The following KIF21B variants were observed in gnomAD, a reference collection of about 807,000 sequenced individuals.
KIF21B encodes kinesin family member 21B.
In KIF21B, 85 loss-of-function variants were observed where a neutral mutation model predicts 192.9. The observed-to-expected ratio is 0.44, with a 90% CI of 0.37 to 0.53. KIF21B has a LOEUF of 0.53. KIF21B is among the 20% of genes least tolerant of loss of function. The probability of loss-of-function intolerance (pLI) is 0.00; values close to 1 mark genes in which losing one functional copy is unlikely to be tolerated. For synonymous variants in KIF21B, 832 were observed against 884.6 expected (o/e 0.94, Z 1.05); for missense variants, 1,716 against 2,194.8 (o/e 0.78, Z 4.36).
intron 14 of KIF21B, among the ~76,000 whole-genome samples, chr1:200,997,304 C>T (rs1440064163): frequency 6.6e-6 from 1 of 152,038 alleles, no homozygotes; most frequent in Admixed American, 6.5e-5. Context: ...TATCGTTCTG[C>T]CAAAATGCCA....
intron 14 of KIF21B, among the ~76,000 whole-genome samples, chr1:200,996,908 T>G (rs187630904): frequency 6.6e-6 from 1 of 152,242 alleles, no homozygotes; most frequent in African/African-American, 2.4e-5. Context: ...CCCATCTCAG[T>G]ACACAGCATC....
At chr1:201,021,446 C>T (rs1191123026) in intron 1 of KIF21B, among the ~76,000 whole-genome samples, 3 of 152,306 alleles carry the variant, frequency 2.0e-5, no homozygotes, top group East Asian at 1.9e-4. Context: ...AAAGGCAAGG[C>T]GTGGGGGCAC....
rs141028255 is a variant in KIF21B, at chr1:200,975,701, A to G, written c.4444-32T>C. On this transcript the variant is annotated intron_variant, in intron 32 of 34. Coordinates refer to ENST00000461742, the MANE Select transcript of KIF21B (RefSeq NM_001252102.2). This position sits in a 1 kb window ranked among gnomAD's most constrained non-coding sequence, Gnocchi z 4.3. ...GAGGAGGGGCCAGTAGGGAGAGGCC[A>G]AGTGGGAGGATGGAAGGCAGGGCCT... is the stretch of plus-strand genomic sequence containing the variant. 1.6e-4 allele frequency: 259 copies of G among 1,579,996 alleles called. 1 individual carries two copies. In the African/African-American group the frequency reaches 2.8e-3, roughly 17 times the overall value.
At position 201,004,195 on chromosome 1, in the gene KIF21B, C is replaced by G. The variant is rs1341060823; in HGVS notation, c.1016+145G>C. 5 of 661,784 alleles carry G rather than the reference C, an allele frequency of 7.6e-6. No homozygotes were observed. In the East Asian group the frequency reaches 1.4e-4, roughly 18 times the overall value. 41.0% of individuals were successfully genotyped at this position (661,784 alleles called of 1,614,324 possible). A position where few individuals can be genotyped will look rare whatever the true frequency, so the allele number is the denominator to read the frequency against. Reference sequence around the variant, plus strand: ...GCTGCCTGAAGGTCATAAAGCACCTCAAGGTTCCTACCTCCTAAACCTGCA... The same window carrying G: ...GCTGCCTGAAGGTCATAAAGCACCTGAAGGTTCCTACCTCCTAAACCTGCA... On this transcript the variant is annotated intron_variant, in intron 7 of 34. Coordinates refer to ENST00000461742, the MANE Select transcript of KIF21B (RefSeq NM_001252102.2).
chr1:201,004,301 C>T, intron 7 of KIF21B, 39 bp downstream of exon 7: 1 of 1,496,610 alleles, frequency 6.7e-7, no homozygotes, highest in Non-Finnish European at 9.1e-7. Flanking sequence ...AACCTCCCTG[C>T]CTCCCCTGTC....
chr1:200,973,115 A>G lies in KIF21B; in HGVS notation c.*406T>C. The G allele has an allele frequency of 5.7e-6, 1 of 175,798 alleles. No individual in the cohort carries two copies. 10.9% of individuals were successfully genotyped at this position (175,798 alleles called of 1,614,324 possible). On this transcript the variant is annotated 3_prime_UTR_variant, in exon 35 of 35. Coordinates refer to ENST00000461742, the MANE Select transcript of KIF21B (RefSeq NM_001252102.2). ...TGGCTCTAGAGGCTGGGCTGGGAGA[A>G]GCGGGGAGGCCAGCTCCTCGGAAGG...
intron 1 of KIF21B, among the ~76,000 whole-genome samples, chr1:201,012,266 TG>T (rs57175176): frequency 0.037 from 5,606 of 152,156 alleles, 219 homozygotes; most frequent in East Asian, 0.12. Context: ...CCAGAGAAAC[TG>T]ATACTGGCTG....
rs759014847 is a variant in KIF21B, at chr1:200,991,064, CCA to C, written c.2538_2539del (p.Ala848Ter). On this transcript the variant is annotated frameshift_variant, in exon 18 of 35. Transcript: ENST00000461742. LOFTEE classifies it high-confidence loss of function. ...GGTAGTGCTGGCCGACACCTCAGCC[CCA>C]GAGTCCAGCATGGGTGGCTTTAGTC... 1 of 1,614,118 alleles carries C rather than the reference CCA, an allele frequency of 6.2e-7. No individual in the cohort carries two copies. The highest frequency in any genetic ancestry group is 1.3e-5 in the African/African-American group (1 of 75,060).
intron 29 of KIF21B, 68 bp downstream of exon 29, chr1:200,980,892 C>T (rs1655866808): frequency 6.4e-7 from 1 of 1,565,348 alleles, no homozygotes; most frequent in Non-Finnish European, 8.6e-7. Flanking sequence ...TCACAGACCA[C>T]TCTGACAAAG....
chr1:200,996,226 C>A lies in KIF21B; in HGVS notation c.2247G>T (p.Gln749His), dbSNP rs1657056034. The A allele has an allele frequency of 1.2e-6, 2 of 1,613,572 alleles. No individual in the cohort carries two copies. The highest frequency in any genetic ancestry group is 1.7e-6 in the Non-Finnish European group (2 of 1,180,058). Residue 749 changes from glutamine (Q) to histidine (H), a missense_variant, in exon 15 of 35, where the codon CAG (glutamine) becomes CAT (histidine). Around this residue, in one of 3 missense-constraint regions of KIF21B, gnomAD observed 1,087 missense variants for 1,316.6 expected, o/e 0.83. Transcript: ENST00000461742. ...CCTTCTTCATCTCAGCCACCTCGGC[C>A]TGTAGCTTCTTCAGCTCCCTCTCGT... ...SRYERELKKLQAEVAEMKKAK... is the reference protein window; with the variant it reads ...SRYERELKKLHAEVAEMKKAK...
At chr1:200,985,831 C>CTTCCCTTCCT (rs1205247856) in intron 26 of KIF21B, among the ~76,000 whole-genome samples, 1 of 106,394 alleles carries the variant, frequency 9.4e-6, no homozygotes, top group African/African-American at 4.0e-5. Context: ...CTTCCCTTCC[C>CTTCCCTTCCT]TTTTTTTTTT....
At position 201,004,460 on chromosome 1, in the gene KIF21B, G is replaced by A; in HGVS notation, c.901-5C>T. The A allele has an allele frequency of 4.5e-6, 7 of 1,563,928 alleles. No homozygotes were observed. The highest frequency in any genetic ancestry group is 6.1e-6 in the Non-Finnish European group (7 of 1,152,506). ...GATCACATTGCCCAAGGCCAGCTGTGGGAGACAGACCCTGGCACTCAGCAG... is the reference window on the plus strand; with the variant it reads ...GATCACATTGCCCAAGGCCAGCTGTAGGAGACAGACCCTGGCACTCAGCAG... On this transcript the variant is annotated splice_polypyrimidine_tract_variant and splice_region_variant and intron_variant, in intron 6 of 34. Coordinates refer to ENST00000461742, the MANE Select transcript of KIF21B (RefSeq NM_001252102.2).
rs1160756263 is a variant in KIF21B, at chr1:201,023,192, C to G, written c.41+151G>C. 3.5e-6 allele frequency: 2 copies of G among 572,072 alleles called. No individual in the cohort carries two copies. Among genetic ancestry groups the G allele is most frequent in the South Asian group, 6.5e-5 (2 of 30,656 alleles). 35.4% of individuals were successfully genotyped at this position (572,072 alleles called of 1,614,324 possible). On this transcript the variant is annotated intron_variant, in intron 1 of 34. Coordinates refer to ENST00000461742, the MANE Select transcript of KIF21B (RefSeq NM_001252102.2). This position sits in a 1 kb window ranked among gnomAD's most constrained non-coding sequence, Gnocchi z 5.9. ...CGCTCCCCTGCGGCAGACTGGCCAG[C>G]GCGCGGCGCCCTCCATCCCGTCCCA...
At chr1:200,984,733 T>C in intron 27 of KIF21B, 126 bp downstream of exon 27, 1 of 601,934 alleles carries the variant, frequency 1.7e-6, no homozygotes, top group African/African-American at 1.9e-5. Flanking sequence ...CCTCAGCTCT[T>C]GGAGGGGCTG....
At chr1:201,019,018 T>C (rs1022105572) in intron 1 of KIF21B, among the ~76,000 whole-genome samples, 1 of 152,212 alleles carries the variant, frequency 6.6e-6, no homozygotes, top group African/African-American at 2.4e-5. Flanking sequence ...CACTGCAACC[T>C]CCGCCTCCCA....
At position 200,982,024 on chromosome 1, in the gene KIF21B, C is replaced by G. The variant is rs887751811; in HGVS notation, c.3843-928G>C. On this transcript the variant is annotated intron_variant, in intron 28 of 34. Coordinates refer to ENST00000461742, the MANE Select transcript of KIF21B (RefSeq NM_001252102.2). The surrounding 1 kb of genome is among the most constrained non-coding windows in gnomAD (Gnocchi z 4.7). Reference sequence around the variant, plus strand: ...CCTGACAGTGACTCTGGCCAAGGGTCTACTGAAATGATCAAGGTTTTGCCT... The same window carrying G: ...CCTGACAGTGACTCTGGCCAAGGGTGTACTGAAATGATCAAGGTTTTGCCT... Among the ~76,000 whole-genome samples, 2 of 152,160 alleles carry G rather than the reference C, an allele frequency of 1.3e-5. No individual in the cohort carries two copies. The highest frequency in any genetic ancestry group is 2.9e-5 in the Non-Finnish European group (2 of 68,020).
At chr1:200,997,739 ATTTGT>A (rs1250217006) in intron 14 of KIF21B, among the ~76,000 whole-genome samples, 88 of 127,494 alleles carry the variant, frequency 6.9e-4, no homozygotes, top group African/African-American at 3.1e-3. Flanking sequence ...GAGATTTTTG[ATTTGT>A]TTTGTCTCAA....
At chr1:201,013,020 G>A (rs1441023603) in intron 1 of KIF21B, among the ~76,000 whole-genome samples, 1 of 152,202 alleles carries the variant, frequency 6.6e-6, no homozygotes, top group Non-Finnish European at 1.5e-5. Flanking sequence ...TCTCTAGAAG[G>A]AGTCCTGCAT....
intron 24 of KIF21B, among the ~76,000 whole-genome samples, 175 bp downstream of exon 24, chr1:200,988,121 G>A (rs1656422232): frequency 6.6e-6 from 1 of 152,202 alleles, no homozygotes; most frequent in Non-Finnish European, 1.5e-5. Context: ...GGCTGCAACA[G>A]GTTACATATC....
Sources: allele counts gnomAD v4.1 joint callset (sites outside exome capture counted in the v4.1 genomes callset), GRCh38; gene constraint gnomAD v4.1.1; regional missense constraint gnomAD v4.1.1; non-coding constraint Gnocchi (gnomAD v3.1); transcripts MANE v1.5; gene names NCBI Gene and HGNC (gene_info 2026-07-23, HGNC 2026-07-21).